CLIC1: variants seen among roughly 807,000 people sequenced by gnomAD.
The protein encoded by CLIC1 is chloride intracellular channel protein 1.
Under a neutral mutation model 26.4 loss-of-function variants are expected in CLIC1, and 16 were observed. The observed-to-expected ratio is 0.61, with a 90% CI of 0.41 to 0.92. The LOEUF (loss-of-function observed/expected upper bound fraction) is 0.92. Among genes scored for constraint, CLIC1 ranks in the 40% least tolerant of loss-of-function variants. The pLI, the probability that CLIC1 is intolerant of heterozygous loss-of-function variation, is 0.00. For missense variants in CLIC1, 225 were observed against 289.7 expected (o/e 0.78, Z 1.62); for synonymous variants, 98 against 120.8 (o/e 0.81, Z 1.24).
chr6:31,736,583 G>C (rs531821593), upstream of CLIC1: 316 of 1,328,726 alleles, frequency 2.4e-4, no homozygotes, highest in African/African-American at 6.1e-4. The surrounding 1 kb of genome is among the most constrained non-coding windows in gnomAD (Gnocchi z 5.0). Flanking sequence ...GGGACTGGAG[G>C]GGGGCGGGAC....
In CLIC1 at chr6:31,735,411, C is replaced by T. The variant is rs143519301; in HGVS notation, c.39+851G>A. 5.3e-5 allele frequency among the ~76,000 whole-genome samples: 8 copies of T among 151,612 alleles called. No homozygotes were observed. The East Asian group carries it at 7.8e-4, about 15-fold the overall frequency. ...CAATCAGAGGGGGGCTGGGTGACAC[C>T]GAGAAGCCTGCTGCCTGCAGTTTTG... On this transcript the variant is annotated intron_variant, in intron 1 of 5. Coordinates refer to ENST00000375784, the Ensembl canonical transcript of CLIC1.
chr6:31,730,775 G>T lies in CLIC1; in HGVS notation c.*67C>A. On this transcript the variant is annotated 3_prime_UTR_variant, in exon 6 of 6. Transcript: ENST00000375784. This position sits in a 1 kb window ranked among gnomAD's most constrained non-coding sequence, Gnocchi z 5.1. Reference sequence around the variant, plus strand: ...CATTTTGGAGTGTGTCCATTGGGTAGCAATGTGGAAACCACCAGGGCCTTT... The same window carrying T: ...CATTTTGGAGTGTGTCCATTGGGTATCAATGTGGAAACCACCAGGGCCTTT... The T allele has an allele frequency of 1.3e-6, 2 of 1,550,058 alleles. No homozygotes were observed. Among genetic ancestry groups the T allele is most frequent in the Non-Finnish European group, 1.8e-6 (2 of 1,128,128 alleles).
chr6:31,734,052 CA>C lies in CLIC1; in HGVS notation c.150-92del. 1.9e-6 allele frequency: 3 copies of C among 1,592,478 alleles called. No homozygotes were observed. The highest frequency in any genetic ancestry group is 2.6e-6 in the Non-Finnish European group (3 of 1,163,824). ...AGGACGTGGGATAAGAAAGGGACTCCAGGGGGAGGGCAAAAATGTTCATGAC... is the reference window on the plus strand; with the variant it reads ...AGGACGTGGGATAAGAAAGGGACTCCGGGGGAGGGCAAAAATGTTCATGAC... On this transcript the variant is annotated intron_variant, in intron 2 of 5. Transcript: ENST00000375784. This position sits in a 1 kb window ranked among gnomAD's most constrained non-coding sequence, Gnocchi z 5.3.
chr6:31,732,245 T>C lies in CLIC1; in HGVS notation c.536A>G (p.Asn179Ser), dbSNP rs745809622. The change falls in exon 5 of 6, where the codon AAC (asparagine) becomes AGC (serine). Residue 179 changes from asparagine to serine, a missense_variant. Transcript: ENST00000375784. This position sits in a 1 kb window ranked among gnomAD's most constrained non-coding sequence, Gnocchi z 5.0. ...TACTATGTGTAACTTTGGCAACAGG[T>C]TGCAGTCAGCCAGGGTGAGCTCGTT... The C allele has an allele frequency of 6.4e-7, 1 of 1,572,412 alleles. No individual in the cohort carries two copies. The highest frequency in any genetic ancestry group is 1.4e-5 in the African/African-American group (1 of 73,184).
chr6:31,737,003 C>G, upstream of CLIC1: 1 of 961,996 alleles, frequency 1.0e-6, no homozygotes, highest in Non-Finnish European at 1.2e-6. Flanking sequence ...GTGACGCCAG[C>G]ACTCCCTGAG....
In CLIC1 at chr6:31,730,904, T is replaced by A. The variant is rs1233779113; in HGVS notation, c.664A>T (p.Thr222Ser). The change falls in exon 6 of 6, where the codon ACC becomes TCC. Residue 222 changes from threonine (T) to serine (S), a missense_variant. By Grantham distance (58) the Thr-to-Ser change is moderately conservative. Transcript: ENST00000375784. This position sits in a 1 kb window ranked among gnomAD's most constrained non-coding sequence, Gnocchi z 5.1. ...TCGATCTCCTCATCATCTGGACAGG[T>A]GGAAGCGAATTCTTCCCGGGCGTAG... 1.9e-6 allele frequency: 3 copies of A among 1,613,096 alleles called. No homozygotes were observed. Among genetic ancestry groups the A allele is most frequent in the Non-Finnish European group, 2.5e-6 (3 of 1,180,032 alleles).
In CLIC1 at chr6:31,730,980, T is replaced by C. The variant is rs1000238815; in HGVS notation, c.588A>G (p.Gly196=). ...CCCGGAAGGCCTCGGGGATGGTGAA[T>C]CCCCGGTACTTCTTACACACCACCT... Residue 196 remains glycine (G), a synonymous_variant, in exon 6 of 6, where the codon GGA becomes GGG. Coordinates refer to ENST00000375784, the Ensembl canonical transcript of CLIC1. This position sits in a 1 kb window ranked among gnomAD's most constrained non-coding sequence, Gnocchi z 5.1. The C allele has an allele frequency of 6.2e-7, 1 of 1,612,830 alleles. No homozygotes were observed. Among genetic ancestry groups the C allele is most frequent in the Non-Finnish European group, 8.5e-7 (1 of 1,179,954 alleles).
At chr6:31,731,075 A>T (rs1052816170) in intron 5 of CLIC1, 72 bp from the exon 6 acceptor site, 2 of 1,387,430 alleles carry the variant, frequency 1.4e-6, no homozygotes, top group Non-Finnish European at 2.0e-6. Context: ...CCTTCTCCCC[A>T]GGCCGACATG....
At position 31,736,233 on chromosome 6, in the gene CLIC1, T is replaced by C. The variant is rs1255763220; in HGVS notation, c.39+29A>G. On this transcript the variant is annotated intron_variant, in intron 1 of 5. Coordinates refer to ENST00000375784, the Ensembl canonical transcript of CLIC1. This position sits in a 1 kb window ranked among gnomAD's most constrained non-coding sequence, Gnocchi z 5.0. ...AGGTGAGAGTTGGCTTCCAGGAATT[T>C]GGGTGGCTGAGGAGAGAAGTGTTCT... 1.2e-6 allele frequency: 2 copies of C among 1,611,610 alleles called. No individual in the cohort carries two copies. The highest frequency in any genetic ancestry group is 1.7e-6 in the Non-Finnish European group (2 of 1,179,052).
Position 31,733,057 on chromosome 6 carries a change from G to T in CLIC1, c.382+509C>A, listed in dbSNP as rs557712198. Reference sequence around the variant, plus strand: ...GAATTGCTTGAACCCGGCAGGCAGAGGTTGCAGTGAGCTGATTGCACCACT... The same window carrying T: ...GAATTGCTTGAACCCGGCAGGCAGATGTTGCAGTGAGCTGATTGCACCACT... On this transcript the variant is annotated intron_variant, in intron 4 of 5. Coordinates refer to ENST00000375784, the Ensembl canonical transcript of CLIC1. This position sits in a 1 kb window ranked among gnomAD's most constrained non-coding sequence, Gnocchi z 5.4. Among the ~76,000 whole-genome samples the T allele has an allele frequency of 6.8e-4, 104 of 151,942 alleles. No individual in the cohort carries two copies. The highest frequency in any genetic ancestry group is 2.4e-3 in the African/African-American group (100 of 41,452).
Position 31,734,760 on chromosome 6 carries a change from T to C in CLIC1, c.40-497A>G, listed in dbSNP as rs1808219566. Among the ~76,000 whole-genome samples the C allele has an allele frequency of 6.6e-6, 1 of 152,084 alleles. No individual in the cohort carries two copies. Among genetic ancestry groups the C allele is most frequent in the African/African-American group, 2.4e-5 (1 of 41,412 alleles). On this transcript the variant is annotated intron_variant, in intron 1 of 5. Coordinates refer to ENST00000375784, the Ensembl canonical transcript of CLIC1. The surrounding 1 kb of genome is among the most constrained non-coding windows in gnomAD (Gnocchi z 5.3). ...CTCGCGCTAGAGATGTGGAGGGCCCTACAGAGAGGGGCTGCCCTCTAATTA... is the reference window on the plus strand; with the variant it reads ...CTCGCGCTAGAGATGTGGAGGGCCCCACAGAGAGGGGCTGCCCTCTAATTA...
upstream of CLIC1, chr6:31,737,046 C>G (rs896144555): frequency 1.7e-6 from 1 of 603,798 alleles, no homozygotes; most frequent in South Asian, 7.3e-5. Context: ...AGGTCCTGTG[C>G]CCCCCGCAGT....
Position 31,734,020 on chromosome 6 carries a change from G to C in CLIC1, c.150-59C>G. On this transcript the variant is annotated intron_variant, in intron 2 of 5. Coordinates refer to ENST00000375784, the Ensembl canonical transcript of CLIC1. The surrounding 1 kb of genome is among the most constrained non-coding windows in gnomAD (Gnocchi z 5.3). The stretch of plus-strand genomic sequence containing the variant: ...GGGGGTCAGGAAGAACCAGAAAGGG[G>C]GAATGGAGGACGTGGGATAAGAAAG... 6.2e-7 allele frequency: 1 copy of C among 1,603,428 alleles called. No individual in the cohort carries two copies. Among genetic ancestry groups the C allele is most frequent in the Non-Finnish European group, 8.5e-7 (1 of 1,173,192 alleles).
At chr6:31,736,747 A>C, upstream of CLIC1, 1 of 1,010,040 alleles carries the variant, frequency 9.9e-7, no homozygotes, top group Non-Finnish European at 1.2e-6. The surrounding 1 kb of genome is among the most constrained non-coding windows in gnomAD (Gnocchi z 5.0). Context: ...CTGCTTCATT[A>C]ATCTGAGTAC....
chr6:31,737,021 G>C, upstream of CLIC1: 1 of 887,316 alleles, frequency 1.1e-6, no homozygotes, highest in South Asian at 5.2e-5. Context: ...GAGCTGCCCA[G>C]ACTGGTGTCT....
Position 31,732,226 on chromosome 6 carries a change from G to A in CLIC1, c.555C>T (p.His185=). The change falls in exon 5 of 6, where the codon CAC becomes CAT. Residue 185 remains histidine, a synonymous_variant. Transcript: ENST00000375784. This position sits in a 1 kb window ranked among gnomAD's most constrained non-coding sequence, Gnocchi z 5.0. ...CGCAATAACCACACACCTGTACTAT[G>A]TGTAACTTTGGCAACAGGTTGCAGT... 2 of 1,556,738 alleles carry A rather than the reference G, an allele frequency of 1.3e-6. No homozygotes were observed. The highest frequency in any genetic ancestry group is 1.7e-6 in the Non-Finnish European group (2 of 1,151,436).
At position 31,734,452 on chromosome 6, in the gene CLIC1, C is replaced by T. The variant is rs988021423; in HGVS notation, c.40-189G>A. 3.9e-5 allele frequency among the ~76,000 whole-genome samples: 6 copies of T among 152,316 alleles called. No homozygotes were observed. Among genetic ancestry groups the T allele is most frequent in the African/African-American group, 1.4e-4 (6 of 41,570 alleles). Reference sequence around the variant, plus strand: ...GGCAGATCAATGGGAAACTGTTTTGCAAAGGCAGGCTTCTGGTTCCCCAGA... The same window carrying T: ...GGCAGATCAATGGGAAACTGTTTTGTAAAGGCAGGCTTCTGGTTCCCCAGA... On this transcript the variant is annotated intron_variant, in intron 1 of 5. Coordinates refer to ENST00000375784, the Ensembl canonical transcript of CLIC1. This position sits in a 1 kb window ranked among gnomAD's most constrained non-coding sequence, Gnocchi z 5.3.
rs1432498344 is a variant in CLIC1, at chr6:31,732,259, G to A, written c.522C>T (p.Thr174=). The change falls in exon 5 of 6, where the codon ACC becomes ACT. Residue 174 remains threonine, a synonymous_variant. Coordinates refer to ENST00000375784, the Ensembl canonical transcript of CLIC1. This position sits in a 1 kb window ranked among gnomAD's most constrained non-coding sequence, Gnocchi z 5.0. ...TTGGCAACAGGTTGCAGTCAGCCAG[G>A]GTGAGCTCGTTGCCATCCAAAAACT... 1.3e-6 allele frequency: 2 copies of A among 1,592,764 alleles called. No homozygotes were observed. The highest frequency in any genetic ancestry group is 2.3e-5 in the East Asian group (1 of 43,472).
chr6:31,732,156 G>A lies in CLIC1; in HGVS notation c.564+61C>T. 7.7e-7 allele frequency: 1 copy of A among 1,303,112 alleles called. No homozygotes were observed. The highest frequency in any genetic ancestry group is 1.0e-6 in the Non-Finnish European group (1 of 995,926). 80.7% of individuals were successfully genotyped at this position (1,303,112 alleles called of 1,614,324 possible). ...AGAGTGGTTGTCAGGGGAAGCCCAT[G>A]TGGGAGCTCCTTAAAGGGCCACTCC... On this transcript the variant is annotated intron_variant, in intron 5 of 5. Transcript: ENST00000375784. The surrounding 1 kb of genome is among the most constrained non-coding windows in gnomAD (Gnocchi z 5.0).
Sources: gnomAD v4.1 joint callset for allele counts (sites outside exome capture counted in the v4.1 genomes callset) on GRCh38, gnomAD v4.1.1 for gene constraint, Gnocchi (gnomAD v3.1) non-coding constraint, MANE v1.5 for transcripts, NCBI Gene and HGNC (gene_info 2026-07-23, HGNC 2026-07-21) for gene names.